Variants in SIAH1 observed in about 807,000 individuals in gnomAD.
SIAH1 encodes siah E3 ubiquitin protein ligase 1, also known as E3 ubiquitin-protein ligase SIAH1.
In SIAH1, 2 loss-of-function variants were observed where a neutral mutation model predicts 20.0. The ratio of observed to expected loss-of-function variants is 0.10; its 90% confidence interval spans 0.04 to 0.31. The LOEUF is 0.31. SIAH1 is among the 10% of genes least tolerant of loss of function. The probability of loss-of-function intolerance (pLI) is 1.00; values close to 1 mark genes in which losing one functional copy is unlikely to be tolerated. For synonymous variants in SIAH1, 118 were observed against 125.3 expected (o/e 0.94, Z 0.39); for missense variants, 119 against 355.3 (o/e 0.33, Z 5.35).
chr16:48,377,111 T>A (rs536656941), intron 1 of SIAH1, among the ~76,000 whole-genome samples: 1 of 152,216 alleles, frequency 6.6e-6, no homozygotes, highest in African/African-American at 2.4e-5. Context: ...AATTCAAGAC[T>A]GGCATTAAAC....
chr16:48,379,471 G>A (rs1321745315), intron 1 of SIAH1, among the ~76,000 whole-genome samples: 2 of 152,224 alleles, frequency 1.3e-5, no homozygotes, highest in African/African-American at 4.8e-5. Flanking sequence ...AATAAGGCTA[G>A]AGAAGTTTGT....
intron 1 of SIAH1, among the ~76,000 whole-genome samples, chr16:48,383,214 G>T (rs749779498): frequency 6.6e-6 from 1 of 152,084 alleles, no homozygotes; most frequent in Non-Finnish European, 1.5e-5. Flanking sequence ...ATGTTGGAAA[G>T]ATGCCAATAA....
At chr16:48,385,028 G>C (rs1487932647) in intron 1 of SIAH1, among the ~76,000 whole-genome samples, 176 bp downstream of exon 1, 1 of 148,036 alleles carries the variant, frequency 6.8e-6, no homozygotes, top group Non-Finnish European at 1.5e-5. Context: ...AGGGGCGGGG[G>C]GCGGCGCTCG....
At chr16:48,385,745 G>A (rs950502821), upstream of SIAH1, among the ~76,000 whole-genome samples, 1 of 151,916 alleles carries the variant, frequency 6.6e-6, no homozygotes, top group African/African-American at 2.4e-5. Context: ...GGGGCCGCGT[G>A]ACCCCCCCGG....
At chr16:48,384,863 G>A (rs1207770503) in intron 1 of SIAH1, among the ~76,000 whole-genome samples, 1 of 145,734 alleles carries the variant, frequency 6.9e-6, no homozygotes, top group African/African-American at 2.5e-5. Context: ...ACCCCCGGCC[G>A]GGCCCGCCTC....
intron 1 of SIAH1, among the ~76,000 whole-genome samples, chr16:48,384,831 GGCGCGGGGC>G (rs1293751916): frequency 4.0e-5 from 6 of 148,160 alleles, no homozygotes; most frequent in Non-Finnish European, 1.5e-5. Flanking sequence ...CCGGCACGAG[GGCGCGGGGC>G]GCGCCGGGCG....
intron 1 of SIAH1, among the ~76,000 whole-genome samples, chr16:48,378,923 G>C (rs1457615951): frequency 2.0e-5 from 3 of 152,128 alleles, no homozygotes; most frequent in Non-Finnish European, 4.4e-5. Flanking sequence ...CACCCCACTG[G>C]TCTCTTCAGC....
At chr16:48,386,986 C>T (rs1421400877), upstream of SIAH1, 1 of 152,282 alleles carries the variant, frequency 6.6e-6, no homozygotes, top group East Asian at 1.9e-4. Flanking sequence ...CTTCCTCTAC[C>T]CAACAGCATT....
At chr16:48,365,339 G>A (rs1158570576) in intron 1 of SIAH1, 3 of 1,606,646 alleles carry the variant, frequency 1.9e-6, no homozygotes, top group Non-Finnish European at 2.6e-6. Context: ...CTGACTAATA[G>A]CGTTCAAGTT....
In SIAH1 at chr16:48,361,416, C is replaced by T; in HGVS notation, c.*164G>A. On this transcript the variant is annotated 3_prime_UTR_variant, in exon 2 of 2. Transcript: ENST00000394725. The stretch of plus-strand genomic sequence containing the variant: ...CTTATTTTTAAATATATTAGTGTTA[C>T]TACATGCAACTGTTTCCTGTATTTA... 1.6e-6 allele frequency: 1 copy of T among 636,234 alleles called. No homozygotes were observed. Among genetic ancestry groups the T allele is most frequent in the South Asian group, 2.0e-5 (1 of 49,942 alleles). 39.4% of individuals were successfully genotyped at this position (636,234 alleles called of 1,614,324 possible).
At position 48,362,530 on chromosome 16, in the gene SIAH1, C is replaced by A. The variant is rs1960634279; in HGVS notation, c.-2-100G>T. On this transcript the variant is annotated intron_variant, in intron 1 of 1. Transcript: ENST00000394725. The surrounding 1 kb of genome is among the most constrained non-coding windows in gnomAD (Gnocchi z 4.2). ...CCATAAGTCCTTTTAAAGTTTCATA[C>A]AAAATTTACTGAGCAAAAGAGGAAG... 3 of 1,227,180 alleles carry A rather than the reference C, an allele frequency of 2.4e-6. No homozygotes were observed. The highest frequency in any genetic ancestry group is 3.4e-6 in the Non-Finnish European group (3 of 876,132). The allele number at this position is 1,227,180 out of a possible 1,614,324, so 76.0% of individuals were successfully genotyped here. A position where few individuals can be genotyped will look rare whatever the true frequency, so the allele number is the denominator to read the frequency against.
chr16:48,374,270 G>A (rs1480556002), intron 1 of SIAH1, among the ~76,000 whole-genome samples: 1 of 152,154 alleles, frequency 6.6e-6, no homozygotes, highest in Non-Finnish European at 1.5e-5. Flanking sequence ...ACATAGTACA[G>A]ACTCCAATAA....
intron 1 of SIAH1, among the ~76,000 whole-genome samples, chr16:48,380,195 A>G (rs1471289977): frequency 1.3e-5 from 2 of 152,230 alleles, no homozygotes; most frequent in Non-Finnish European, 2.9e-5. Flanking sequence ...TAATCCCAGC[A>G]CTTTGGGAGG....
chr16:48,364,050 A>C (rs529965766), intron 1 of SIAH1, among the ~76,000 whole-genome samples: 1 of 146,966 alleles, frequency 6.8e-6, no homozygotes, highest in Non-Finnish European at 1.5e-5. Flanking sequence ...CCCAGGTTCA[A>C]GCAATTCTCC....
chr16:48,378,578 T>C (rs980759713), intron 1 of SIAH1, among the ~76,000 whole-genome samples: 1 of 152,246 alleles, frequency 6.6e-6, no homozygotes, highest in African/African-American at 2.4e-5. Context: ...TTTTTCCATA[T>C]GTATTTAGGC....
intron 1 of SIAH1, among the ~76,000 whole-genome samples, chr16:48,373,196 C>A (rs1277221275): frequency 6.6e-6 from 1 of 152,032 alleles, no homozygotes; most frequent in Non-Finnish European, 1.5e-5. Context: ...CTCATTCAGT[C>A]TCCTAGTTTT....
In SIAH1 at chr16:48,383,819, T is replaced by A. The variant is rs77723703; in HGVS notation, c.-3+1385A>T. 3.7e-3 allele frequency among the ~76,000 whole-genome samples: 563 copies of A among 152,330 alleles called. 3 individuals carry two copies. Among genetic ancestry groups the A allele is most frequent in the Non-Finnish European group, 5.9e-3 (401 of 68,024 alleles). On this transcript the variant is annotated intron_variant, in intron 1 of 1. Coordinates refer to ENST00000394725, the MANE Select transcript of SIAH1 (RefSeq NM_003031.4). The stretch of plus-strand genomic sequence containing the variant: ...AGCACTAAAGATCTGTGACCTGATT[T>A]CACAAATTCTGGTCTATGCACTTTC...
At chr16:48,379,612 C>T (rs1432531394) in intron 1 of SIAH1, among the ~76,000 whole-genome samples, 19 of 152,210 alleles carry the variant, frequency 1.2e-4, no homozygotes, top group Non-Finnish European at 4.4e-5. Flanking sequence ...GAGTCCTAAA[C>T]TCTTGAGACA....
At chr16:48,367,614 T>A (rs746161705) in intron 1 of SIAH1, among the ~76,000 whole-genome samples, 1 of 152,246 alleles carries the variant, frequency 6.6e-6, no homozygotes, top group Non-Finnish European at 1.5e-5. Context: ...AGACCTGATT[T>A]AATTGCCAAG....
Sources: allele counts gnomAD v4.1 joint callset (sites outside exome capture counted in the v4.1 genomes callset), GRCh38; gene constraint gnomAD v4.1.1; non-coding constraint Gnocchi (gnomAD v3.1); transcripts MANE v1.5; gene names NCBI Gene and HGNC (gene_info 2026-07-23, HGNC 2026-07-21).